Variants in PLCH1 observed in about 807,000 individuals in gnomAD.
PLCH1 encodes the protein 1-phosphatidylinositol 4,5-bisphosphate phosphodiesterase eta-1.
A neutral mutation model predicts 126.7 loss-of-function variants in PLCH1; 60 were observed. The observed-to-expected ratio is 0.47, with a 90% CI of 0.38 to 0.59. PLCH1 has a LOEUF of 0.59. PLCH1 is among the 20% of genes least tolerant of loss of function. PLCH1 has a pLI of 0.00. For missense variants in PLCH1, 1,723 were observed against 2,040.0 expected, an observed-to-expected ratio of 0.84 and a Z score of 2.99; for synonymous variants, 719 against 734.9, an observed-to-expected ratio of 0.98 and a Z score of 0.35.
At chr3:155,663,735 G>T (rs528932409) in intron 2 of PLCH1, among the ~76,000 whole-genome samples, 1 of 152,160 alleles carries the variant, frequency 6.6e-6, no homozygotes, top group Admixed American at 6.5e-5. Context: ...ATAAACATTA[G>T]CTCCATGAAC....
At chr3:155,734,040 A>T (rs992898708) in intron 1 of PLCH1, among the ~76,000 whole-genome samples, 2 of 150,124 alleles carry the variant, frequency 1.3e-5, no homozygotes, top group Non-Finnish European at 3.0e-5. Context: ...ATTTCACTTC[A>T]TATCAGTTAG....
At chr3:155,563,641 A>G (rs926753525) in intron 8 of PLCH1, among the ~76,000 whole-genome samples, 1 of 152,094 alleles carries the variant, frequency 6.6e-6, no homozygotes, top group African/African-American at 2.4e-5. Context: ...GTCAAAAAAA[A>G]AAAAAAACTT....
chr3:155,513,778 G>C (rs1359093121), intron 12 of PLCH1, among the ~76,000 whole-genome samples: 1 of 152,140 alleles, frequency 6.6e-6, no homozygotes, highest in Non-Finnish European at 1.5e-5. Flanking sequence ...CTTGACAAGA[G>C]CTTCAGAGGT....
intron 2 of PLCH1, among the ~76,000 whole-genome samples, chr3:155,601,203 T>A (rs1015395347): frequency 2.6e-5 from 4 of 152,292 alleles, no homozygotes; most frequent in African/African-American, 7.2e-5. Flanking sequence ...GGTCTTGACC[T>A]CCTGACCTCG....
chr3:155,481,668 T>C lies in PLCH1; in HGVS notation c.4358A>G (p.Gln1453Arg). ...ATGCATATCTTGAGCACTAGATTGC[T>C]GGGGCACACAGGTCTGGAACATTTT... Reference protein sequence around the residue: ...DAKMFQTCVPQQSSAQDMHVP... With the variant: ...DAKMFQTCVPRQSSAQDMHVP... Residue 1453 changes from glutamine to arginine, a missense_variant, in exon 23 of 23, where the codon CAG becomes CGG. By Grantham distance (43) the Gln-to-Arg change is conservative. Coordinates refer to ENST00000460012, the MANE Select transcript of PLCH1 (RefSeq NM_014996.4). The surrounding 1 kb of genome is among the most constrained non-coding windows in gnomAD (Gnocchi z 4.2). 1 of 1,614,130 alleles carries C rather than the reference T, an allele frequency of 6.2e-7. No individual in the cohort carries two copies.
At chr3:155,655,115 T>A (rs1170325138) in intron 2 of PLCH1, among the ~76,000 whole-genome samples, 4 of 152,156 alleles carry the variant, frequency 2.6e-5, no homozygotes. Context: ...TCACCTCTTA[T>A]AAAGGTCTTC....
chr3:155,522,020 T>G (rs1459280530), intron 11 of PLCH1, among the ~76,000 whole-genome samples: 1 of 152,178 alleles, frequency 6.6e-6, no homozygotes, highest in Non-Finnish European at 1.5e-5. Flanking sequence ...ATACTCCAAT[T>G]TGTTCCCATA....
intron 2 of PLCH1, among the ~76,000 whole-genome samples, chr3:155,596,849 T>G (rs1472729409): frequency 6.6e-6 from 1 of 152,264 alleles, no homozygotes; most frequent in African/African-American, 2.4e-5. Context: ...TATGAATTCA[T>G]GTTACATATT....
At chr3:155,521,005 C>T (rs1359570526) in intron 11 of PLCH1, among the ~76,000 whole-genome samples, 12 of 152,186 alleles carry the variant, frequency 7.9e-5, no homozygotes, top group African/African-American at 2.9e-4. Context: ...CGCTTCTGGC[C>T]TTTGCGCTTG....
rs939886123 is a variant in PLCH1 at position 155,483,009 on chromosome 3, T to C, written c.3017A>G (p.Lys1006Arg). Residue 1006 changes from lysine to arginine, a missense_variant, in exon 23 of 23, where the codon AAA (lysine) becomes AGA (arginine). Coordinates refer to ENST00000460012, the MANE Select transcript of PLCH1 (RefSeq NM_014996.4). ...GTTGAAATTTAGAAAATGTGGATCT[T>C]TTATACTTGCTTTCCCTTTTCTTCT... is the stretch of plus-strand genomic sequence containing the variant. ...DGRRKGKASI[K>R]DPHFLNFNKK... The C allele has an allele frequency of 1.4e-5, 22 of 1,613,954 alleles. No homozygotes were observed. Among genetic ancestry groups the C allele is most frequent in the Non-Finnish European group, 1.8e-5 (21 of 1,179,916 alleles).
chr3:155,492,843 G>T lies in PLCH1; in HGVS notation c.2193C>A (p.Asn731Lys). 1 of 1,599,796 alleles carries T rather than the reference G, an allele frequency of 6.3e-7. No individual in the cohort carries two copies. Among genetic ancestry groups the T allele is most frequent in the Non-Finnish European group, 8.5e-7 (1 of 1,174,158 alleles). Residue 731 changes from asparagine to lysine, a missense_variant, in exon 18 of 23, where the codon AAC (asparagine) becomes AAA (lysine). Asn to Lys is a moderately conservative substitution (Grantham distance 94, BLOSUM62 0). Transcript: ENST00000460012. ...CAGGAAGAGGGTCACCAGAGAAAGGGTTGAAAGTACCTAGGCCAAGTAAAG... is the reference window on the plus strand; with the variant it reads ...CAGGAAGAGGGTCACCAGAGAAAGGTTTGAAAGTACCTAGGCCAAGTAAAG... ...KPQQMCKGTF[N>K]PFSGDPLPAN...
At chr3:155,646,978 T>C (rs1020956077) in intron 2 of PLCH1, among the ~76,000 whole-genome samples, 1 of 152,166 alleles carries the variant, frequency 6.6e-6, no homozygotes. Flanking sequence ...CCCCACCCCA[T>C]GGACACAGCT....
intron 2 of PLCH1, among the ~76,000 whole-genome samples, chr3:155,688,719 C>A (rs930184079): frequency 1.3e-5 from 2 of 152,108 alleles, no homozygotes; most frequent in Non-Finnish European, 2.9e-5. Context: ...GATGGAAGAG[C>A]CCTTGGACTT....
chr3:155,632,805 C>A (rs1738206445), intron 2 of PLCH1, among the ~76,000 whole-genome samples: 2 of 152,152 alleles, frequency 1.3e-5, no homozygotes, highest in Admixed American at 6.5e-5. Context: ...ATGGCAATTA[C>A]ATTAGAGAAG....
At chr3:155,723,570 C>T (rs1748107063) in intron 1 of PLCH1, among the ~76,000 whole-genome samples, 1 of 152,068 alleles carries the variant, frequency 6.6e-6, no homozygotes, top group South Asian at 2.1e-4. Context: ...GTATTTAATG[C>T]TATGAACTTT....
intron 2 of PLCH1, among the ~76,000 whole-genome samples, chr3:155,695,159 C>G (rs573290940): frequency 1.8e-3 from 273 of 152,174 alleles, no homozygotes; most frequent in Non-Finnish European, 3.0e-3. Context: ...AGATAAAATA[C>G]ATATGTATGT....
chr3:155,482,639 G>A lies in PLCH1; in HGVS notation c.3387C>T (p.Asn1129=). ...VLSHSNLEIK[N]LEGNRGKGRA... ...GGCCCTTACCCCTATTACCTTCCAGGTTCTTAATTTCTAGGTTGCTATGAG... is the reference window on the plus strand; with the variant it reads ...GGCCCTTACCCCTATTACCTTCCAGATTCTTAATTTCTAGGTTGCTATGAG... Residue 1129 remains asparagine (N), a synonymous_variant, in exon 23 of 23, where the codon AAC becomes AAT. Coordinates refer to ENST00000460012, the MANE Select transcript of PLCH1 (RefSeq NM_014996.4). The A allele has an allele frequency of 1.9e-6, 3 of 1,614,112 alleles. No individual in the cohort carries two copies. The highest frequency in any genetic ancestry group is 2.5e-6 in the Non-Finnish European group (3 of 1,180,004).
chr3:155,734,613 C>T (rs1749014895), intron 1 of PLCH1, among the ~76,000 whole-genome samples: 4 of 151,824 alleles, frequency 2.6e-5, no homozygotes, highest in East Asian at 1.9e-4. Context: ...TTCAGAATAG[C>T]GAAGTTATGG....
Position 155,481,465 on chromosome 3 carries a change from C to A in PLCH1, c.4561G>T (p.Val1521Leu), listed in dbSNP as rs752280073. ...VTTGIRDKKG[V>L]TVKTKSLEPI... Reference sequence around the variant, plus strand: ...TCTAACGACTTTGTCTTCACAGTCACGCCCTTCTTGTCTCTAATGCCAGTT... The same window carrying A: ...TCTAACGACTTTGTCTTCACAGTCAAGCCCTTCTTGTCTCTAATGCCAGTT... The change falls in exon 23 of 23, where the codon GTG (valine) becomes TTG (leucine). Residue 1521 changes from valine to leucine, a missense_variant. This residue lies in a region of PLCH1 where 947 missense variants were observed against 977.1 expected (regional missense o/e 0.97). Transcript: ENST00000460012. This position sits in a 1 kb window ranked among gnomAD's most constrained non-coding sequence, Gnocchi z 4.2. 2 of 1,614,174 alleles carry A rather than the reference C, an allele frequency of 1.2e-6. No homozygotes were observed. The highest frequency in any genetic ancestry group is 3.3e-5 in the Admixed American group (2 of 60,024).
Sources: allele counts gnomAD v4.1 joint callset (sites outside exome capture counted in the v4.1 genomes callset), GRCh38; gene constraint gnomAD v4.1.1; regional missense constraint gnomAD v4.1.1; non-coding constraint Gnocchi (gnomAD v3.1); transcripts MANE v1.5; gene names NCBI Gene and HGNC (gene_info 2026-07-23, HGNC 2026-07-21).